SLC26A7: variants seen among roughly 807,000 people sequenced by gnomAD.
SLC26A7 encodes the protein solute carrier family 26 member 7.
Under a neutral mutation model 82.5 loss-of-function variants are expected in SLC26A7, and 59 were observed. That is an observed-to-expected ratio of 0.72 (90% CI 0.58 to 0.89). The LOEUF (loss-of-function observed/expected upper bound fraction) is 0.89, where lower values mean the gene tolerates loss of function less well. Ranked by LOEUF, SLC26A7 falls within the 40% of genes least tolerant of loss-of-function variation. The probability of loss-of-function intolerance (pLI) is 0.00; values close to 1 mark genes in which losing one functional copy is unlikely to be tolerated. For missense variants in SLC26A7, 820 were observed against 793.0 expected, an observed-to-expected ratio of 1.03 and a Z score of -0.41; for synonymous variants, 271 against 274.3, an observed-to-expected ratio of 0.99 and a Z score of 0.12.
intron 4 of SLC26A7, among the ~76,000 whole-genome samples, chr8:91,297,470 G>T (rs1056924283): frequency 1.3e-5 from 2 of 152,022 alleles, no homozygotes; most frequent in Non-Finnish European, 2.9e-5. Context: ...GAGCAAAGCA[G>T]AATATTATTA....
At chr8:91,265,060 C>A (rs905227419) in intron 2 of SLC26A7, among the ~76,000 whole-genome samples, 45 of 152,004 alleles carry the variant, frequency 3.0e-4, no homozygotes, top group African/African-American at 3.1e-4. Context: ...CCCTTCACAG[C>A]CTCTACTAAC....
At chr8:91,347,784 A>G (rs1238084925) in intron 9 of SLC26A7, among the ~76,000 whole-genome samples, 1 of 152,208 alleles carries the variant, frequency 6.6e-6, no homozygotes, top group African/African-American at 2.4e-5. Context: ...CCCTTTTTAC[A>G]GTGACCCCCT....
In SLC26A7 at chr8:91,233,632, G is replaced by C. The variant is rs114219116; in HGVS notation, c.-34+14627G>C. On this transcript the variant is annotated intron_variant, in intron 2 of 5. Transcript: ENST00000522862. Reference sequence around the variant, plus strand: ...AAAGAAAACGTAGGAGAGGGGTGTGGAACCTGAAATCTCACCTTTCAGACA... The same window carrying C: ...AAAGAAAACGTAGGAGAGGGGTGTGCAACCTGAAATCTCACCTTTCAGACA... Among the ~76,000 whole-genome samples, 675 of 152,100 alleles carry C rather than the reference G, an allele frequency of 4.4e-3. 5 individuals are homozygous for C. The highest frequency in any genetic ancestry group is 0.016 in the African/African-American group (644 of 41,502).
chr8:91,394,184 TAC>T, intron 18 of SLC26A7, 145 bp downstream of exon 18: 2 of 1,611,658 alleles, frequency 1.2e-6, no homozygotes, highest in Non-Finnish European at 8.5e-7. Flanking sequence ...GACTTTCTAT[TAC>T]AGGTAAAAGA....
chr8:91,362,863 A>G (rs1202085691), intron 12 of SLC26A7, among the ~76,000 whole-genome samples: 2 of 152,086 alleles, frequency 1.3e-5, no homozygotes, highest in African/African-American at 4.8e-5. Flanking sequence ...CAGAAGTCAG[A>G]TTAATCTATT....
chr8:91,285,972 T>C (rs1456842678), intron 2 of SLC26A7, among the ~76,000 whole-genome samples: 1 of 152,238 alleles, frequency 6.6e-6, no homozygotes, highest in African/African-American at 2.4e-5. Context: ...TAAATCTAAA[T>C]AAACTAGTCT....
chr8:91,334,523 T>C (rs1813187602), intron 6 of SLC26A7, 76 bp downstream of exon 6: 7 of 1,370,576 alleles, frequency 5.1e-6, no homozygotes, highest in Admixed American at 2.3e-5. Context: ...AGATGCTTAC[T>C]ATATTGTCTG....
chr8:91,288,852 A>G (rs1034433822), intron 2 of SLC26A7, among the ~76,000 whole-genome samples: 1 of 152,200 alleles, frequency 6.6e-6, no homozygotes, highest in African/African-American at 2.4e-5. Flanking sequence ...TTACTGTCCA[A>G]CCTACCATTC....
At position 91,295,411 on chromosome 8, in the gene SLC26A7, G is replaced by T. The variant is rs1220454831; in HGVS notation, c.305-120G>T. The T allele has an allele frequency of 2.7e-6, 3 of 1,107,968 alleles. No individual in the cohort carries two copies. In the Admixed American group the frequency reaches 7.0e-5, roughly 26 times the overall value. 68.6% of individuals were successfully genotyped at this position (1,107,968 alleles called of 1,614,324 possible). On this transcript the variant is annotated intron_variant, in intron 3 of 18. Transcript: ENST00000276609. ...GGAGAAGCAAGGCCACAGAGGAGGG[G>T]ACAGTGTTTCTAATAGATCTGTTTG... is the stretch of plus-strand genomic sequence containing the variant.
Position 91,310,728 on chromosome 8 carries a change from C to T in SLC26A7, c.478-7488C>T, listed in dbSNP as rs1201059632. Reference sequence around the variant, plus strand: ...ATGCATATGACTCCAGTAAACACACCGCACATGCTCCCCTCCCAAGTGCTA... The same window carrying T: ...ATGCATATGACTCCAGTAAACACACTGCACATGCTCCCCTCCCAAGTGCTA... On this transcript the variant is annotated intron_variant, in intron 4 of 18. Coordinates refer to ENST00000276609, the MANE Select transcript of SLC26A7 (RefSeq NM_052832.4). 5.3e-5 allele frequency among the ~76,000 whole-genome samples: 8 copies of T among 152,122 alleles called. No individual in the cohort carries two copies. The East Asian group carries it at 5.8e-4, about 11-fold the overall frequency.
At position 91,289,231 on chromosome 8, in the gene SLC26A7, C is replaced by T. The variant is rs769711218; in HGVS notation, c.289C>T (p.His97Tyr). The change falls in exon 3 of 19, where the codon CAT becomes TAT. Residue 97 changes from histidine to tyrosine, a missense_variant. Physicochemically the swap from His to Tyr is moderately conservative, Grantham distance 83. Coordinates refer to ENST00000276609, the MANE Select transcript of SLC26A7 (RefSeq NM_052832.4). ...AATTTATGCCATATTTGGAATGGGA[C>T]ATCATGTTGCCACAGGTAATAATTC... ...AIIYAIFGMG[H>Y]HVATGTFALT... is the part of the protein sequence containing the mutation. 39 of 1,611,272 alleles carry T rather than the reference C, an allele frequency of 2.4e-5. No homozygotes were observed. The highest frequency in any genetic ancestry group is 3.2e-5 in the Non-Finnish European group (38 of 1,177,486).
intron 2 of SLC26A7, among the ~76,000 whole-genome samples, chr8:91,274,686 A>G (rs1484171232): frequency 1.3e-5 from 2 of 152,212 alleles, no homozygotes; most frequent in South Asian, 4.1e-4. Flanking sequence ...AGAAGCAAAC[A>G]TTCAAACCAT....
chr8:91,268,943 CAA>C (rs11319570), intron 2 of SLC26A7, among the ~76,000 whole-genome samples: 16 of 150,416 alleles, frequency 1.1e-4, no homozygotes, highest in African/African-American at 1.9e-4. Flanking sequence ...GATCACAAAA[CAA>C]AAAAAAAACT....
At chr8:91,230,722 T>C (rs1810299478) in intron 2 of SLC26A7, among the ~76,000 whole-genome samples, 1 of 152,244 alleles carries the variant, frequency 6.6e-6, no homozygotes, top group Non-Finnish European at 1.5e-5. Flanking sequence ...ATGTTTGTAA[T>C]AGATGTCATG....
At position 91,295,714 on chromosome 8, in the gene SLC26A7, C is replaced by T; in HGVS notation, c.477+11C>T. 6.2e-7 allele frequency: 1 copy of T among 1,612,254 alleles called. No homozygotes were observed. The highest frequency in any genetic ancestry group is 8.5e-7 in the Non-Finnish European group (1 of 1,179,090). Reference sequence around the variant, plus strand: ...GGAGGTGTGATTCAGGTAAGTGATACTGACACTTGAGCACAAAGAAAGGGA... The same window carrying T: ...GGAGGTGTGATTCAGGTAAGTGATATTGACACTTGAGCACAAAGAAAGGGA... On this transcript the variant is annotated intron_variant, in intron 4 of 18. Coordinates refer to ENST00000276609, the MANE Select transcript of SLC26A7 (RefSeq NM_052832.4).
chr8:91,371,144 A>G (rs980401280), intron 15 of SLC26A7, among the ~76,000 whole-genome samples: 1 of 151,938 alleles, frequency 6.6e-6, no homozygotes, highest in Admixed American at 6.6e-5. Context: ...ATAGCATTAT[A>G]CATTTTTCTG....
At chr8:91,392,757 G>A (rs1563716972) in intron 16 of SLC26A7, among the ~76,000 whole-genome samples, 1 of 152,180 alleles carries the variant, frequency 6.6e-6, no homozygotes, top group Non-Finnish European at 1.5e-5. Context: ...ACATTGAGGA[G>A]GTCAGTGAAC....
Position 91,343,449 on chromosome 8 carries a change from A to G in SLC26A7, c.1123A>G (p.Thr375Ala). The G allele has an allele frequency of 6.2e-7, 1 of 1,611,806 alleles. No homozygotes were observed. Among genetic ancestry groups the G allele is most frequent in the Non-Finnish European group, 8.5e-7 (1 of 1,179,714 alleles). ...AMGRTAGLYS[T>A]GAKTQVACLI... Reference sequence around the variant, plus strand: ...GGGAAGGACGGCTGGCCTGTACAGCACAGGAGCGAAGACACAGGTAACTGA... The same window carrying G: ...GGGAAGGACGGCTGGCCTGTACAGCGCAGGAGCGAAGACACAGGTAACTGA... Residue 375 changes from threonine to alanine, a missense_variant, in exon 9 of 19, where the codon ACA becomes GCA. Coordinates refer to ENST00000276609, the MANE Select transcript of SLC26A7 (RefSeq NM_052832.4).
chr8:91,306,121 C>T (rs745988892), intron 4 of SLC26A7, among the ~76,000 whole-genome samples: 7 of 152,166 alleles, frequency 4.6e-5, no homozygotes, highest in Non-Finnish European at 1.0e-4. Flanking sequence ...TACTTCCAGA[C>T]TTGCTGTGAA....
Sources: gnomAD v4.1 joint callset for allele counts (sites outside exome capture counted in the v4.1 genomes callset) on GRCh38, gnomAD v4.1.1 for gene constraint, MANE v1.5 for transcripts, NCBI Gene and HGNC (gene_info 2026-07-23, HGNC 2026-07-21) for gene names.